Variants in CLUH observed in about 807,000 individuals in gnomAD.
CLUH encodes clustered mitochondria protein homolog.
Under a neutral mutation model 139.3 loss-of-function variants are expected in CLUH, and 77 were observed. The ratio of observed to expected loss-of-function variants is 0.55; its 90% CI spans 0.46 to 0.67. CLUH has a LOEUF of 0.67. Ranked by LOEUF, CLUH falls within the 30% of genes least tolerant of loss-of-function variation. The pLI is 0.00. For synonymous variants in CLUH, 999 were observed against 801.6 expected, an observed-to-expected ratio of 1.25 and a Z score of -4.16; for missense variants, 1,876 against 1,875.8, an observed-to-expected ratio of 1.00 and a Z score of 0.00.
In CLUH at chr17:2,704,203, C is replaced by G. The variant is rs958758586; in HGVS notation, c.303+159G>C. Among the ~76,000 whole-genome samples the G allele has an allele frequency of 3.9e-5, 6 of 152,172 alleles. No homozygotes were observed. Among genetic ancestry groups the G allele is most frequent in the African/African-American group, 7.2e-5 (3 of 41,426 alleles). ...GACCTGACCCTGGGCTCGATTCCCA[C>G]GTCCACCACGCTAGCTGAGTGACTC... On this transcript the variant is annotated intron_variant, in intron 2 of 25. Coordinates refer to ENST00000651024, the MANE Select transcript of CLUH (RefSeq NM_001366661.1). This position sits in a 1 kb window ranked among gnomAD's most constrained non-coding sequence, Gnocchi z 5.7.
rs981940437 is a variant in CLUH at position 2,701,809 on chromosome 17, G to A, written c.620-72C>T. ...GCTGTCTCCCTACCTCCTGATGGCC[G>A]TGGTCCGGGTGCCTCAGGCCCAGGC... is the stretch of plus-strand genomic sequence containing the variant. On this transcript the variant is annotated intron_variant, in intron 4 of 25. Coordinates refer to ENST00000651024, the MANE Select transcript of CLUH (RefSeq NM_001366661.1). 28 of 1,565,342 alleles carry A rather than the reference G, an allele frequency of 1.8e-5. No individual in the cohort carries two copies. In the Admixed American group the frequency reaches 2.9e-4, roughly 16 times the overall value.
In CLUH at chr17:2,689,482, T is replaced by C. The variant is rs1230247047; in HGVS notation, c.*1112A>G. On this transcript the variant is annotated 3_prime_UTR_variant, in exon 26 of 26. Transcript: ENST00000651024. ...TTCTTGCTCAGCGGTGGGGATGCTC[T>C]GCTTGCCCGCTCACGCCCATCCCCC... is the stretch of plus-strand genomic sequence containing the variant. The C allele has an allele frequency of 6.5e-6, 1 of 152,726 alleles. No homozygotes were observed. The highest frequency in any genetic ancestry group is 1.5e-5 in the Non-Finnish European group (1 of 68,088). 9.5% of individuals were successfully genotyped at this position (152,726 alleles called of 1,614,324 possible). A position where few individuals can be genotyped will look rare whatever the true frequency, so the allele number is the denominator to read the frequency against.
At chr17:2,694,826 ACCCAC>A in intron 16 of CLUH, 26 bp downstream of exon 16, 2 of 796,152 alleles carry the variant, frequency 2.5e-6, no homozygotes, top group Non-Finnish European at 3.6e-6. Context: ...GCCCAATCCC[ACCCAC>A]CCCACCGCCC....
rs759405260 is a variant in CLUH at position 2,692,836 on chromosome 17, C to T, written c.3256G>A (p.Val1086Met). ...CCCATCACCCGCTCGCTCATCAGCA[C>T]CGCCTTCTGCTGGTTACTCAGGGCC... Reference protein sequence around the residue: ...AEALSNQQKAVLMSERVMGTE... With the variant: ...AEALSNQQKAMLMSERVMGTE... The change falls in exon 20 of 26, where the codon GTG becomes ATG. Residue 1086 changes from valine to methionine, a missense_variant. Physicochemically the swap from Val to Met is conservative, Grantham distance 21 (BLOSUM62 1). Around this residue, in one of 3 missense-constraint regions of CLUH, gnomAD observed 1,454 missense variants for 1,384.4 expected, o/e 1.05. Coordinates refer to ENST00000651024, the MANE Select transcript of CLUH (RefSeq NM_001366661.1). The T allele has an allele frequency of 3.7e-6, 6 of 1,601,822 alleles. No homozygotes were observed. Among genetic ancestry groups the T allele is most frequent in the Non-Finnish European group, 5.1e-6 (6 of 1,172,222 alleles).
chr17:2,708,071 G>GT, intron 1 of CLUH: 1 of 929,536 alleles, frequency 1.1e-6, no homozygotes, highest in Non-Finnish European at 1.3e-6. Context: ...TGGCCGCACG[G>GT]CGGGGGAGGA....
At chr17:2,690,940 G>A (rs933392940) in intron 25 of CLUH, among the ~76,000 whole-genome samples, 163 bp from the exon 26 acceptor site, 1 of 152,140 alleles carries the variant, frequency 6.6e-6, no homozygotes, top group African/African-American at 2.4e-5. Context: ...CCCTGAACAC[G>A]GAGAAGGTAA....
rs2069694756 is a variant in CLUH, at chr17:2,691,985, CCA to C, written c.3654+17_3654+18del. 9.7e-6 allele frequency: 3 copies of C among 308,616 alleles called. No individual in the cohort carries two copies. Among genetic ancestry groups the C allele is most frequent in the Non-Finnish European group, 1.2e-5 (3 of 250,118 alleles). The allele number at this position is 308,616 out of a possible 1,614,324, so 19.1% of individuals were successfully genotyped here. On this transcript the variant is annotated intron_variant, in intron 23 of 25. Coordinates refer to ENST00000651024, the MANE Select transcript of CLUH (RefSeq NM_001366661.1). ...CGCCCCCGCCCCGCCCCCGCCCCCGCCACGCCCCCGCCGCGCACCTGCGTCTT... is the reference window on the plus strand; with the variant it reads ...CGCCCCCGCCCCGCCCCCGCCCCCGCCGCCCCCGCCGCGCACCTGCGTCTT...
In CLUH at chr17:2,710,167, G is replaced by A. The variant is rs572042218; in HGVS notation, c.100+1395C>T. On this transcript the variant is annotated intron_variant, in intron 1 of 25. Transcript: ENST00000651024. ...CTTCCCTTAACAGCTAAATCGCTGT[G>A]TGACCTTGGGCAAGTCACTTCGACT... 2.0e-5 allele frequency among the ~76,000 whole-genome samples: 3 copies of A among 152,332 alleles called. No individual in the cohort carries two copies. The South Asian group carries it at 6.2e-4, about 32-fold the overall frequency.
rs758813620 is a variant in CLUH, at chr17:2,698,597, G to C, written c.1267-7C>G. On this transcript the variant is annotated splice_region_variant and splice_polypyrimidine_tract_variant and intron_variant, in intron 9 of 25. Transcript: ENST00000651024. The stretch of plus-strand genomic sequence containing the variant: ...CGGTGAAGTCGCTGTGCACCTGGCG[G>C]GGGTCGAGGAGGGCAGGGTTAGAGG... 6.3e-7 allele frequency: 1 copy of C among 1,585,048 alleles called. No homozygotes were observed. The highest frequency in any genetic ancestry group is 8.6e-7 in the Non-Finnish European group (1 of 1,164,700).
intron 10 of CLUH, 146 bp downstream of exon 10, chr17:2,697,750 G>A (rs1001349701): frequency 2.6e-5 from 20 of 783,400 alleles, no homozygotes; most frequent in Non-Finnish European, 3.7e-5. Flanking sequence ...GGCAGGTGGG[G>A]ACGGGTCTCC....
At position 2,695,422 on chromosome 17, in the gene CLUH, C is replaced by T; in HGVS notation, c.2496G>A (p.Leu832=). ...GGGCCGGGCTCCGCAGCACCAGCTCCAGCACCTTGCCCAGGTAGCGCATGT... is the reference window on the plus strand; with the variant it reads ...GGGCCGGGCTCCGCAGCACCAGCTCTAGCACCTTGCCCAGGTAGCGCATGT... ...GINMRYLGKV[L]ELVLRSPARH... The change falls in exon 14 of 26, where the codon CTG becomes CTA. Residue 832 remains leucine, a synonymous_variant. Transcript: ENST00000651024. 6.2e-7 allele frequency: 1 copy of T among 1,612,674 alleles called. No individual in the cohort carries two copies. Among genetic ancestry groups the T allele is most frequent in the Non-Finnish European group, 8.5e-7 (1 of 1,179,766 alleles).
chr17:2,703,374 G>A lies in CLUH; in HGVS notation c.419C>T (p.Ser140Leu), dbSNP rs748184428. 3.7e-6 allele frequency: 6 copies of A among 1,613,358 alleles called. No homozygotes were observed. The Admixed American group carries it at 5.0e-5, about 13-fold the overall frequency. Residue 140 changes from serine to leucine, a missense_variant, in exon 3 of 26, where the codon TCG becomes TTG. Coordinates refer to ENST00000651024, the MANE Select transcript of CLUH (RefSeq NM_001366661.1). This position sits in a 1 kb window ranked among gnomAD's most constrained non-coding sequence, Gnocchi z 4.2. Reference sequence around the variant, plus strand: ...CAGCCCCTCGACGCTGCGCAGCTCCGAGAAGTGGTCCAGCACGTTGCCATC... The same window carrying A: ...CAGCCCCTCGACGCTGCGCAGCTCCAAGAAGTGGTCCAGCACGTTGCCATC... ...HLDGNVLDHF[S>L]ELRSVEGLQE...
intron 13 of CLUH, 108 bp downstream of exon 13, chr17:2,696,051 A>G (rs979484918): frequency 1.1e-6 from 1 of 913,866 alleles, no homozygotes; most frequent in Non-Finnish European, 1.7e-6. Flanking sequence ...GGGAAAGCTG[A>G]AAAAGTCACT....
chr17:2,710,216 A>T (rs2070471423), intron 1 of CLUH, among the ~76,000 whole-genome samples: 1 of 152,202 alleles, frequency 6.6e-6, no homozygotes, highest in South Asian at 2.1e-4. Flanking sequence ...CTAGAGGGGA[A>T]ATCAGCCAAC....
chr17:2,694,023 G>A lies in CLUH; in HGVS notation c.3108C>T (p.Gly1036=). 1 of 1,613,926 alleles carries A rather than the reference G, an allele frequency of 6.2e-7. No individual in the cohort carries two copies. Among genetic ancestry groups the A allele is most frequent in the South Asian group, 1.1e-5 (1 of 91,086 alleles). The change falls in exon 19 of 26, where the codon GGC becomes GGT. Residue 1036 remains glycine (G), a synonymous_variant. Coordinates refer to ENST00000651024, the MANE Select transcript of CLUH (RefSeq NM_001366661.1). The stretch of plus-strand genomic sequence containing the variant: ...TCAGGGCCTCATTGATGAGCTCACA[G>A]CCCTCCTTCAGGAAGCCTGCAGGGC... The part of the protein sequence containing the change: ...AKVQQGFLKE[G]CELINEALNL...
At chr17:2,701,861 C>A (rs2070194561) in intron 4 of CLUH, 53 bp downstream of exon 4, 2 of 1,607,726 alleles carry the variant, frequency 1.2e-6, no homozygotes, top group South Asian at 2.2e-5. Context: ...CAGCCCCCCA[C>A]CTCCGTGCTC....
chr17:2,704,230 A>T lies in CLUH; in HGVS notation c.303+132T>A. 5.3e-6 allele frequency: 5 copies of T among 948,060 alleles called. No individual in the cohort carries two copies. Among genetic ancestry groups the T allele is most frequent in the Non-Finnish European group, 7.8e-6 (5 of 642,000 alleles). The allele number at this position is 948,060 out of a possible 1,614,324, so 58.7% of individuals were successfully genotyped here. A position where few individuals can be genotyped will look rare whatever the true frequency, so the allele number is the denominator to read the frequency against. On this transcript the variant is annotated intron_variant, in intron 2 of 25. Coordinates refer to ENST00000651024, the MANE Select transcript of CLUH (RefSeq NM_001366661.1). This position sits in a 1 kb window ranked among gnomAD's most constrained non-coding sequence, Gnocchi z 5.7. ...TCCACCACGCTAGCTGAGTGACTCT[A>T]GGGAGGGCACGGGATCCTCAGTTTC...
At position 2,701,968 on chromosome 17, in the gene CLUH, C is replaced by T. The variant is rs2151715218; in HGVS notation, c.565G>A (p.Val189Ile). Residue 189 changes from valine to isoleucine, a missense_variant, in exon 4 of 26, where the codon GTT becomes ATT. This residue lies in a region of CLUH where 270 missense variants were observed against 354.7 expected (regional missense o/e 0.76). Coordinates refer to ENST00000651024, the MANE Select transcript of CLUH (RefSeq NM_001366661.1). ...SLDPSDAFNG[V>I]DCNSLSFLSV... Reference sequence around the variant, plus strand: ...AGGAAGGACAAGGAGTTGCAGTCAACCCCGTTGAAGGCATCGGATGGGTCC... The same window carrying T: ...AGGAAGGACAAGGAGTTGCAGTCAATCCCGTTGAAGGCATCGGATGGGTCC... 6.2e-7 allele frequency: 1 copy of T among 1,614,010 alleles called. No individual in the cohort carries two copies. Among genetic ancestry groups the T allele is most frequent in the Non-Finnish European group, 8.5e-7 (1 of 1,179,908 alleles).
In CLUH at chr17:2,697,395, G is replaced by A. The variant is rs568766729; in HGVS notation, c.1962-453C>T. On this transcript the variant is annotated intron_variant, in intron 10 of 25. Transcript: ENST00000651024. ...GCCTAGGCGACAAGAGTGAAACTCC[G>A]TCTCAGAAAAAAAAAAAAAAAGGCA... Among the ~76,000 whole-genome samples, 9 of 146,400 alleles carry A rather than the reference G, an allele frequency of 6.1e-5. No individual in the cohort carries two copies. The South Asian group carries it at 6.4e-4, about 10-fold the overall frequency.
Sources: gnomAD v4.1 joint callset for allele counts (sites outside exome capture counted in the v4.1 genomes callset) on GRCh38, gnomAD v4.1.1 for gene constraint, gnomAD v4.1.1 regional missense constraint, Gnocchi (gnomAD v3.1) non-coding constraint, MANE v1.5 for transcripts, NCBI Gene and HGNC (gene_info 2026-07-23, HGNC 2026-07-21) for gene names.